MACROD1: variants seen among roughly 807,000 people sequenced by gnomAD.
The protein encoded by MACROD1 is ADP-ribose glycohydrolase MACROD1.
In MACROD1, 31 loss-of-function variants were observed where a neutral mutation model predicts 41.4. That is an observed-to-expected ratio of 0.75 (90% CI 0.56 to 1.01). The LOEUF (loss-of-function observed/expected upper bound fraction) is 1.01, where lower values mean the gene tolerates loss of function less well. Among genes scored for constraint, MACROD1 ranks in the 50% least tolerant of loss-of-function variants. The pLI is 0.00. For synonymous variants in MACROD1, 252 were observed against 203.4 expected (o/e 1.24, Z -2.03); for missense variants, 473 against 460.0 (o/e 1.03, Z -0.26).
chr11:64,156,843 A>C (rs181013898), intron 1 of MACROD1, among the ~76,000 whole-genome samples: 1 of 152,214 alleles, frequency 6.6e-6, no homozygotes, highest in Non-Finnish European at 1.5e-5. Flanking sequence ...TGCATGCCTC[A>C]GAAGGCCAGC....
chr11:64,058,264 C>T (rs1056389170), intron 3 of MACROD1, among the ~76,000 whole-genome samples: 2 of 152,250 alleles, frequency 1.3e-5, no homozygotes, highest in East Asian at 1.9e-4. Context: ...AGGGTGCTCT[C>T]GGATGAGCAG....
chr11:64,133,264 C>T (rs893104782), intron 3 of MACROD1, among the ~76,000 whole-genome samples: 2 of 152,218 alleles, frequency 1.3e-5, no homozygotes, highest in African/African-American at 4.8e-5. Flanking sequence ...AGGTTGCGTC[C>T]ACCTCAGCTT....
At chr11:64,041,431 C>A (rs1221163994) in intron 3 of MACROD1, among the ~76,000 whole-genome samples, 1 of 151,724 alleles carries the variant, frequency 6.6e-6, no homozygotes, top group Non-Finnish European at 1.5e-5. Flanking sequence ...AGGGGCTTTT[C>A]CTGGGGGAGG....
intron 3 of MACROD1, among the ~76,000 whole-genome samples, chr11:64,070,934 G>C (rs942120979): frequency 6.6e-6 from 1 of 152,098 alleles, no homozygotes; most frequent in African/African-American, 2.4e-5. Context: ...CTAGGGGTTG[G>C]TTAAGTAGAC....
At chr11:64,056,372 A>T (rs983098672) in intron 3 of MACROD1, among the ~76,000 whole-genome samples, 1 of 152,136 alleles carries the variant, frequency 6.6e-6, no homozygotes, top group Non-Finnish European at 1.5e-5. Flanking sequence ...CAGTGCCAGA[A>T]TGAACAGGCC....
chr11:64,126,118 C>T (rs1191349154), intron 3 of MACROD1, among the ~76,000 whole-genome samples: 4 of 152,178 alleles, frequency 2.6e-5, no homozygotes, highest in Non-Finnish European at 4.4e-5. Flanking sequence ...GGTGAGAAGA[C>T]ACCCCCACAA....
chr11:64,102,512 C>T (rs1335898962), intron 3 of MACROD1, among the ~76,000 whole-genome samples: 1 of 152,196 alleles, frequency 6.6e-6, no homozygotes, highest in Non-Finnish European at 1.5e-5. Flanking sequence ...CCAGTTGGAG[C>T]CTTTGAATGA....
chr11:64,152,200 A>G (rs1349041670), intron 2 of MACROD1, 92 bp downstream of exon 2: 3 of 983,126 alleles, frequency 3.1e-6, no homozygotes, highest in South Asian at 2.6e-5. Flanking sequence ...CACTCGATAC[A>G]TGCCACTGGA....
At chr11:64,121,078 G>C (rs1019981782) in intron 3 of MACROD1, among the ~76,000 whole-genome samples, 2 of 152,092 alleles carry the variant, frequency 1.3e-5, no homozygotes, top group African/African-American at 2.4e-5. Context: ...GCAGGAGTGC[G>C]GGAGACTTAG....
chr11:64,114,141 T>G (rs1192358473), intron 3 of MACROD1, among the ~76,000 whole-genome samples: 10 of 147,760 alleles, frequency 6.8e-5, no homozygotes. Flanking sequence ...CATGCCTGAA[T>G]GGATGAATGA....
intron 3 of MACROD1, among the ~76,000 whole-genome samples, chr11:64,106,813 T>C (rs947088862): frequency 1.3e-5 from 2 of 152,224 alleles, no homozygotes; most frequent in East Asian, 3.9e-4. Context: ...CTTTTCCTCA[T>C]CCCCCAAAAT....
At chr11:64,119,118 C>T (rs1945052645) in intron 3 of MACROD1, 1 of 167,168 alleles carries the variant, frequency 6.0e-6, no homozygotes, top group African/African-American at 2.4e-5. Context: ...CGGTCCTTAC[C>T]GTTCTTCTTG....
intron 3 of MACROD1, chr11:64,118,053 A>G (rs1308069833): frequency 1.2e-6 from 2 of 1,613,214 alleles, no homozygotes; most frequent in Non-Finnish European, 1.7e-6. Flanking sequence ...GGGCAGCAGG[A>G]AAAAGGATGA....
At chr11:63,999,255 A>G in intron 8 of MACROD1, 76 bp downstream of exon 8, 1 of 1,506,254 alleles carries the variant, frequency 6.6e-7, no homozygotes, top group Non-Finnish European at 8.9e-7. Flanking sequence ...CTGCACCCTG[A>G]CTCCCTGGGC....
Position 64,035,517 on chromosome 11 carries a change from G to A in MACROD1, c.518-20236C>T, listed in dbSNP as rs556557293. Among the ~76,000 whole-genome samples, 54 of 151,956 alleles carry A rather than the reference G, an allele frequency of 3.6e-4. 1 individual carries two copies. Among genetic ancestry groups the A allele is most frequent in the Middle Eastern group, 3.4e-3 (1 of 294 alleles). Reference sequence around the variant, plus strand: ...TTTCTCCCCCGCCTCCACGGTGGAGGTTGGCTTTGGGAGCCTCCCTCCCCC... The same window carrying A: ...TTTCTCCCCCGCCTCCACGGTGGAGATTGGCTTTGGGAGCCTCCCTCCCCC... On this transcript the variant is annotated intron_variant, in intron 3 of 10. Coordinates refer to ENST00000255681, the MANE Select transcript of MACROD1 (RefSeq NM_014067.4).
chr11:64,026,431 C>T (rs1163614774), intron 3 of MACROD1, among the ~76,000 whole-genome samples: 2 of 152,182 alleles, frequency 1.3e-5, no homozygotes, highest in African/African-American at 4.8e-5. Flanking sequence ...CTCATGCAAA[C>T]ACAGTGGCAG....
intron 3 of MACROD1, among the ~76,000 whole-genome samples, chr11:64,044,654 G>T (rs968216374): frequency 6.6e-6 from 1 of 152,160 alleles, no homozygotes; most frequent in East Asian, 1.9e-4. Flanking sequence ...GGGGAACCAC[G>T]TTCATTAGGG....
chr11:64,025,168 G>A (rs1012356768), intron 3 of MACROD1, among the ~76,000 whole-genome samples: 6 of 151,988 alleles, frequency 3.9e-5, no homozygotes, highest in African/African-American at 1.5e-4. Flanking sequence ...TAGTAGAGAC[G>A]GGGTTTCACC....
intron 3 of MACROD1, chr11:64,118,077 G>A (rs775054023): frequency 5.0e-6 from 8 of 1,612,614 alleles, no homozygotes; most frequent in Admixed American, 1.7e-5. Context: ...TATGGAGTCA[G>A]GGACCAAGAA....
Sources: allele counts gnomAD v4.1 joint callset (sites outside exome capture counted in the v4.1 genomes callset), GRCh38; gene constraint gnomAD v4.1.1; transcripts MANE v1.5; gene names NCBI Gene and HGNC (gene_info 2026-07-23, HGNC 2026-07-21).